PPP2R3A: variants seen among roughly 807,000 people sequenced by gnomAD.
PPP2R3A encodes protein phosphatase 2 regulatory subunit B''alpha.
In PPP2R3A, 80 loss-of-function variants were observed where a neutral mutation model predicts 106.9. The observed-to-expected ratio is 0.75, with a 90% CI of 0.62 to 0.90. The LOEUF (loss-of-function observed/expected upper bound fraction) is 0.90. Among genes scored for constraint, PPP2R3A ranks in the 40% least tolerant of loss-of-function variants. The pLI is 0.00. For synonymous variants in PPP2R3A, 483 were observed against 468.3 expected, an observed-to-expected ratio of 1.03 and a Z score of -0.41; for missense variants, 1,386 against 1,350.4, an observed-to-expected ratio of 1.03 and a Z score of -0.41.
intron 5 of PPP2R3A, among the ~76,000 whole-genome samples, chr3:136,051,254 T>C (rs894034320): frequency 1.3e-5 from 2 of 152,234 alleles, no homozygotes; most frequent in Non-Finnish European, 2.9e-5. Context: ...TTAGTATGGA[T>C]ACCTAAAGAA....
rs1357019652 is a variant in PPP2R3A, at chr3:136,070,461, G to T, written c.2470-17G>T. 6.3e-7 allele frequency: 1 copy of T among 1,582,226 alleles called. No homozygotes were observed. Among genetic ancestry groups the T allele is most frequent in the East Asian group, 2.3e-5 (1 of 43,082 alleles). On this transcript the variant is annotated splice_polypyrimidine_tract_variant and intron_variant, in intron 5 of 13. Coordinates refer to ENST00000264977, the MANE Select transcript of PPP2R3A (RefSeq NM_002718.5). ...TTGTATGTTTGTTAATTTAGTTTTG[G>T]TTTTGATCTTTTTCAGGATGTGGTG...
At position 136,146,696 on chromosome 3, in the gene PPP2R3A, C is replaced by CA. The variant is rs1939140759; in HGVS notation, c.*1534dup. 6.6e-6 allele frequency: 1 copy of CA among 151,914 alleles called. No homozygotes were observed. Among genetic ancestry groups the CA allele is most frequent in the Non-Finnish European group, 1.5e-5 (1 of 67,998 alleles). The allele number at this position is 151,914 out of a possible 1,614,324, so 9.4% of individuals were successfully genotyped here. A position where few individuals can be genotyped will look rare whatever the true frequency, so the allele number is the denominator to read the frequency against. The stretch of plus-strand genomic sequence containing the variant: ...TATTGCAACTATCTAATAGTTCACA[C>CA]AAAAGAATTAAAAGCTTAAAAATAA... On this transcript the variant is annotated 3_prime_UTR_variant, in exon 14 of 14. Transcript: ENST00000264977.
chr3:136,021,991 G>T (rs571165753), intron 2 of PPP2R3A, among the ~76,000 whole-genome samples: 1 of 152,000 alleles, frequency 6.6e-6, no homozygotes, highest in Non-Finnish European at 1.5e-5. Flanking sequence ...ATTTTGGTCC[G>T]TGGAGGGTCC....
At chr3:135,980,076 CTGCCATGT>C in intron 1 of PPP2R3A, among the ~76,000 whole-genome samples, 1 of 151,910 alleles carries the variant, frequency 6.6e-6, no homozygotes, top group Non-Finnish European at 1.5e-5. Context: ...CCAGTGTCTC[CTGCCATGT>C]TGCTCATCAT....
intron 4 of PPP2R3A, among the ~76,000 whole-genome samples, chr3:136,044,113 A>C (rs1392135020): frequency 6.6e-6 from 1 of 152,180 alleles, no homozygotes; most frequent in African/African-American, 2.4e-5. Context: ...CCCATTTTCT[A>C]ATCCTGAGAG....
intron 3 of PPP2R3A, among the ~76,000 whole-genome samples, chr3:136,028,639 C>T (rs1559876754): frequency 6.6e-6 from 1 of 152,224 alleles, no homozygotes; most frequent in Non-Finnish European, 1.5e-5. Flanking sequence ...TTCTTTAAGG[C>T]ATTCAGGGTT....
rs767149626 is a variant in PPP2R3A at position 136,103,318 on chromosome 3, T to C, written c.3164T>C (p.Phe1055Ser). The change falls in exon 12 of 14, where the codon TTC becomes TCC. Residue 1055 changes from phenylalanine (F) to serine (S), a missense_variant. By Grantham distance (155) the Phe-to-Ser change is radical. Transcript: ENST00000264977. ...CRMAHIFYDT[F>S]FNLEKYLDHE... ...ATGGCTCACATCTTCTATGACACTT[T>C]CTTTAATCTGGAGAAATACTTAGAC... 45 of 1,611,550 alleles carry C rather than the reference T, an allele frequency of 2.8e-5. No individual in the cohort carries two copies. Among genetic ancestry groups the C allele is most frequent in the Non-Finnish European group, 3.8e-5 (45 of 1,177,836 alleles).
intron 1 of PPP2R3A, 60 bp from the exon 2 acceptor site, chr3:136,000,997 AAG>A: frequency 2.5e-6 from 1 of 395,292 alleles, no homozygotes; most frequent in Non-Finnish European, 4.5e-6. Context: ...GATGCAAAGA[AAG>A]AGGAAATCAA....
intron 1 of PPP2R3A, among the ~76,000 whole-genome samples, chr3:135,967,481 G>C (rs899616941): frequency 1.3e-5 from 2 of 152,166 alleles, no homozygotes; most frequent in African/African-American, 4.8e-5. Flanking sequence ...TTAATGTTCA[G>C]CTGAAACCAG....
chr3:136,080,306 T>A (rs1277462046), intron 7 of PPP2R3A, among the ~76,000 whole-genome samples: 1 of 152,228 alleles, frequency 6.6e-6, no homozygotes, highest in African/African-American at 2.4e-5. Flanking sequence ...TCAGATTTCC[T>A]CTATTACAGT....
chr3:136,138,249 C>T (rs1938703055), intron 13 of PPP2R3A, among the ~76,000 whole-genome samples: 1 of 152,128 alleles, frequency 6.6e-6, no homozygotes, highest in African/African-American at 2.4e-5. Flanking sequence ...CAGATATTTA[C>T]TGGTACCTAC....
At chr3:136,140,748 CAAA>C (rs996175388) in intron 13 of PPP2R3A, among the ~76,000 whole-genome samples, 7 of 81,554 alleles carry the variant, frequency 8.6e-5, no homozygotes, top group Admixed American at 1.3e-4. Context: ...AACTCAGTCT[CAAA>C]AAAAAAAAAA....
At chr3:136,038,925 G>A (rs920251341) in intron 3 of PPP2R3A, among the ~76,000 whole-genome samples, 1 of 152,122 alleles carries the variant, frequency 6.6e-6, no homozygotes, top group African/African-American at 2.4e-5. Context: ...TGAGATATTC[G>A]ACCTCTGGAC....
At chr3:136,012,511 G>A (rs1306281155) in intron 2 of PPP2R3A, among the ~76,000 whole-genome samples, 2 of 152,124 alleles carry the variant, frequency 1.3e-5, no homozygotes, top group Admixed American at 1.3e-4. Context: ...AGCCAGTGAA[G>A]TCAAGGCTAG....
At chr3:136,044,739 A>C (rs945282579) in intron 4 of PPP2R3A, among the ~76,000 whole-genome samples, 1 of 152,144 alleles carries the variant, frequency 6.6e-6, no homozygotes, top group Non-Finnish European at 1.5e-5. Flanking sequence ...GAGATGATGC[A>C]GTCACTGAGG....
At position 136,087,900 on chromosome 3, in the gene PPP2R3A, A is replaced by G. The variant is rs1167457822; in HGVS notation, c.2806A>G (p.Ile936Val). 2 of 1,610,808 alleles carry G rather than the reference A, an allele frequency of 1.2e-6. No homozygotes were observed. The highest frequency in any genetic ancestry group is 2.2e-5 in the South Asian group (2 of 90,690). ...ACATTTAGCTTCATCAAGCAGGATT[A>G]TTGAAAGGATATTCTCTGGTGCAGT... ...YNDQASSSRI[I>V]ERIFSGAVTR... is the part of the protein sequence containing the mutation. Residue 936 changes from isoleucine to valine, a missense_variant, in exon 9 of 14, where the codon ATT becomes GTT. Coordinates refer to ENST00000264977, the MANE Select transcript of PPP2R3A (RefSeq NM_002718.5).
chr3:135,974,034 T>C (rs183860587), intron 1 of PPP2R3A, among the ~76,000 whole-genome samples: 144 of 152,314 alleles, frequency 9.5e-4, no homozygotes, highest in Non-Finnish European at 1.7e-3. Context: ...GTGAATCAGT[T>C]CTCAGTCTTC....
intron 13 of PPP2R3A, among the ~76,000 whole-genome samples, chr3:136,129,964 GC>G (rs1453009656): frequency 1.3e-5 from 2 of 152,060 alleles, no homozygotes; most frequent in Non-Finnish European, 2.9e-5. Context: ...AAATTCAACA[GC>G]CCTTCATGCT....
At chr3:136,020,478 A>G (rs1327038114) in intron 2 of PPP2R3A, among the ~76,000 whole-genome samples, 1 of 152,088 alleles carries the variant, frequency 6.6e-6, no homozygotes, top group East Asian at 1.9e-4. Flanking sequence ...AGCAATTTGA[A>G]TGTAGACACC....
Sources: allele counts gnomAD v4.1 joint callset (sites outside exome capture counted in the v4.1 genomes callset), GRCh38; gene constraint gnomAD v4.1.1; transcripts MANE v1.5; gene names NCBI Gene and HGNC (gene_info 2026-07-23, HGNC 2026-07-21).